The following CCDC15 variants were observed in gnomAD, a reference collection of about 807,000 sequenced individuals.
CCDC15 encodes coiled-coil domain containing 15, also known as coiled-coil domain-containing protein 15.
CCDC15 carries 105 observed loss-of-function variants against 114.5 expected under a neutral mutation model. The ratio of observed to expected loss-of-function variants is 0.92; its 90% confidence interval spans 0.78 to 1.08. The LOEUF is 1.08. Among genes scored for constraint, CCDC15 ranks in the 50% least tolerant of loss-of-function variants. The pLI is 0.00. For missense variants in CCDC15, 1,105 were observed against 1,093.6 expected, an observed-to-expected ratio of 1.01 and a Z score of -0.15; for synonymous variants, 334 against 377.8, an observed-to-expected ratio of 0.88 and a Z score of 1.34.
chr11:125,040,600 G>T lies in CCDC15; in HGVS notation c.2745G>T (p.Arg915=). Residue 915 remains arginine (R), a synonymous_variant, in exon 16 of 16, where the codon CGG becomes CGT. Transcript: ENST00000344762. The part of the protein sequence containing the change: ...IFYKNHRAYT[R]ALHSFINSCD... ...AACCTTTTTTTGCAGCATATACTCG[G>T]GCACTACATTCATTCATCAATTCCT... The T allele has an allele frequency of 2.5e-6, 4 of 1,608,590 alleles. No individual in the cohort carries two copies. Among genetic ancestry groups the T allele is most frequent in the Non-Finnish European group, 3.4e-6 (4 of 1,177,204 alleles).
chr11:125,021,206 T>C (rs774815250), intron 13 of CCDC15, among the ~76,000 whole-genome samples: 1 of 151,716 alleles, frequency 6.6e-6, no homozygotes, highest in African/African-American at 2.4e-5. Context: ...TAAAGAAGTA[T>C]ACGAGGAAAT....
rs1947953484 is a variant in CCDC15 at position 124,975,167 on chromosome 11, A to G, written c.588A>G (p.Ser196=). ...AAACCGTGATTAAAAAAAAGGGATC[A>G]GTGTTTCCAGATGATGGAAGGAAAA... ...SFKTVIKKKG[S]VFPDDGRKSF... Residue 196 remains serine, a synonymous_variant, in exon 5 of 16, where the codon TCA becomes TCG. Transcript: ENST00000344762. 6.2e-7 allele frequency: 1 copy of G among 1,603,638 alleles called. No individual in the cohort carries two copies. Among genetic ancestry groups the G allele is most frequent in the Non-Finnish European group, 8.5e-7 (1 of 1,175,944 alleles).
Position 125,040,622 on chromosome 11 carries a change from TC to T in CCDC15, c.2769del (p.Cys924ValfsTer25). 3 of 1,611,016 alleles carry T rather than the reference TC, an allele frequency of 1.9e-6. No homozygotes were observed. The highest frequency in any genetic ancestry group is 2.5e-6 in the Non-Finnish European group (3 of 1,178,328). On this transcript the variant is annotated frameshift_variant, in exon 16 of 16. Transcript: ENST00000344762. LOFTEE classifies it high-confidence loss of function. ...TCGGGCACTACATTCATTCATCAAT[TC>T]CTGTGATGTCCCTGGGGGTAATTCA... ...YTRALHSFIN[S>X]CDVPGGNSTL...
chr11:125,002,614 T>C (rs1948497208), intron 11 of CCDC15, among the ~76,000 whole-genome samples: 1 of 152,150 alleles, frequency 6.6e-6, no homozygotes, highest in South Asian at 2.1e-4. Flanking sequence ...CTTTTGCATG[T>C]GGATAACCTG....
intron 13 of CCDC15, among the ~76,000 whole-genome samples, chr11:125,026,549 G>C (rs1341463432): frequency 6.6e-6 from 1 of 152,112 alleles, no homozygotes; most frequent in Non-Finnish European, 1.5e-5. Context: ...TCCTTTTGAA[G>C]GTGCTTTTTG....
intron 13 of CCDC15, among the ~76,000 whole-genome samples, chr11:125,029,740 G>C (rs1291927818): frequency 6.6e-6 from 1 of 152,148 alleles, no homozygotes; most frequent in Non-Finnish European, 1.5e-5. Context: ...CTGGTGGAGT[G>C]ACCCAAACCT....
In CCDC15 at chr11:125,040,341, A is replaced by G. The variant is rs1948807428; in HGVS notation, c.2735-249A>G. Among the ~76,000 whole-genome samples, 4 of 152,132 alleles carry G rather than the reference A, an allele frequency of 2.6e-5. No homozygotes were observed. The South Asian group carries it at 8.3e-4, about 32-fold the overall frequency. On this transcript the variant is annotated intron_variant, in intron 15 of 15. Coordinates refer to ENST00000344762, the MANE Select transcript of CCDC15 (RefSeq NM_025004.3). ...TGTGAGCCACTGTGCCTGGCCTATG[A>G]TGACATTTTGTATATACCTTTGGTT...
intron 10 of CCDC15, 76 bp from the exon 11 acceptor site, chr11:124,993,093 A>G: frequency 1.2e-6 from 1 of 854,574 alleles, no homozygotes; most frequent in East Asian, 2.6e-5. Flanking sequence ...TGGGATTGTC[A>G]CTGAAGTCTA....
chr11:125,024,800 G>C (rs1034490437), intron 13 of CCDC15, among the ~76,000 whole-genome samples: 17 of 151,922 alleles, frequency 1.1e-4, no homozygotes, highest in Non-Finnish European at 2.2e-4. Flanking sequence ...CACTGGCTAA[G>C]AATCTCCAGT....
rs368206762 is a variant in CCDC15 at position 124,993,151 on chromosome 11, A to G, written c.2140-18A>G. On this transcript the variant is annotated intron_variant, in intron 10 of 15. Transcript: ENST00000344762. Reference sequence around the variant, plus strand: ...TTTCTGCTTAGACAATCAGTTTTGTATTTTGTTGTTCCTTTAGAACAAGCA... The same window carrying G: ...TTTCTGCTTAGACAATCAGTTTTGTGTTTTGTTGTTCCTTTAGAACAAGCA... 6.5e-7 allele frequency: 1 copy of G among 1,532,468 alleles called. No individual in the cohort carries two copies. The highest frequency in any genetic ancestry group is 1.4e-5 in the African/African-American group (1 of 73,254). The allele number at this position is 1,532,468 out of a possible 1,614,324, so 94.9% of individuals were successfully genotyped here.
intron 6 of CCDC15, among the ~76,000 whole-genome samples, chr11:124,978,064 A>G (rs1251336519): frequency 6.6e-6 from 1 of 151,976 alleles, no homozygotes; most frequent in East Asian, 1.9e-4. Context: ...GTTCATATGT[A>G]CTGAATGTTT....
chr11:124,977,709 A>G, intron 6 of CCDC15, 109 bp downstream of exon 6: 1 of 1,112,758 alleles, frequency 9.0e-7, no homozygotes, highest in East Asian at 2.7e-5. Flanking sequence ...TTTTTAACGG[A>G]CTTTATTGAG....
intron 13 of CCDC15, among the ~76,000 whole-genome samples, chr11:125,006,170 G>T (rs1431392980): frequency 6.6e-6 from 1 of 152,138 alleles, no homozygotes; most frequent in African/African-American, 2.4e-5. Context: ...ATACCATTTT[G>T]CATTCCCACC....
At chr11:124,963,819 A>T (rs1440937569) in intron 4 of CCDC15, among the ~76,000 whole-genome samples, 7 of 152,162 alleles carry the variant, frequency 4.6e-5, no homozygotes, top group Non-Finnish European at 8.8e-5. Context: ...TAACTTTTGT[A>T]TAAGGTGTAA....
At chr11:125,039,596 T>G (rs1198634118) in intron 15 of CCDC15, 1 of 152,392 alleles carries the variant, frequency 6.6e-6, no homozygotes, top group Non-Finnish European at 1.5e-5. Context: ...TATATTGATT[T>G]ATATAGTATA....
intron 7 of CCDC15, 29 bp from the exon 8 acceptor site, chr11:124,987,098 C>G: frequency 6.8e-7 from 1 of 1,466,916 alleles, no homozygotes; most frequent in East Asian, 2.3e-5. Context: ...AACTCACATT[C>G]TGTATTTGGT....
chr11:124,974,488 A>G (rs1947940297), intron 4 of CCDC15, among the ~76,000 whole-genome samples: 1 of 152,246 alleles, frequency 6.6e-6, no homozygotes, highest in African/African-American at 2.4e-5. Context: ...AAAGTAGTTG[A>G]AACAAATTGG....
intron 13 of CCDC15, among the ~76,000 whole-genome samples, chr11:125,010,981 T>C (rs1482107816): frequency 2.0e-5 from 3 of 152,070 alleles, no homozygotes; most frequent in Non-Finnish European, 4.4e-5. Context: ...ATAGTAAAGG[T>C]AGGGGTCCAG....
At chr11:125,025,113 T>C (rs1375633860) in intron 13 of CCDC15, among the ~76,000 whole-genome samples, 1 of 133,380 alleles carries the variant, frequency 7.5e-6, no homozygotes, top group Non-Finnish European at 1.6e-5. Flanking sequence ...TATGAATATA[T>C]GTGAGTATAT....
Sources: gnomAD v4.1 joint callset for allele counts (sites outside exome capture counted in the v4.1 genomes callset) on GRCh38, gnomAD v4.1.1 for gene constraint, MANE v1.5 for transcripts, NCBI Gene and HGNC (gene_info 2026-07-23, HGNC 2026-07-21) for gene names.